The following PSMG2 variants were observed in gnomAD, a reference collection of about 807,000 sequenced individuals.
The protein encoded by PSMG2 is proteasome assembly chaperone 2, also known as CD40 ligand-activated specific transcript 3.
In PSMG2, 21 loss-of-function variants were observed where a neutral mutation model predicts 31.5. The observed-to-expected ratio is 0.67, with a 90% CI of 0.47 to 0.96. The LOEUF (loss-of-function observed/expected upper bound fraction) is 0.96, where lower values mean the gene tolerates loss of function less well. Ranked by LOEUF, PSMG2 falls within the 40% of genes least tolerant of loss-of-function variation. The pLI, the probability that PSMG2 is intolerant of heterozygous loss-of-function variation, is 0.00. For synonymous variants in PSMG2, 120 were observed against 110.4 expected, an observed-to-expected ratio of 1.09 and a Z score of -0.54; for missense variants, 318 against 321.2, an observed-to-expected ratio of 0.99 and a Z score of 0.08.
At chr18:12,681,255 C>CT (rs1568016341) in intron 1 of PSMG2, among the ~76,000 whole-genome samples, 6 of 114,802 alleles carry the variant, frequency 5.2e-5, no homozygotes, top group African/African-American at 1.3e-4. Context: ...AAAAGTAGAA[C>CT]ATTTTTTTTT....
chr18:12,692,551 G>C (rs1187787867), intron 1 of PSMG2, among the ~76,000 whole-genome samples: 1 of 151,580 alleles, frequency 6.6e-6, no homozygotes, highest in East Asian at 1.9e-4. Flanking sequence ...GTTACTTCCT[G>C]TTGTTCAGAC....
At chr18:12,674,246 G>A (rs146216461) in intron 1 of PSMG2, among the ~76,000 whole-genome samples, 599 of 152,032 alleles carry the variant, frequency 3.9e-3, no homozygotes, top group Middle Eastern at 0.01. Context: ...AGACCAGCCT[G>A]GGCAACATAG....
At chr18:12,661,407 T>C (rs984875152) in intron 1 of PSMG2, 4 of 961,270 alleles carry the variant, frequency 4.2e-6, no homozygotes, top group African/African-American at 1.8e-5. Flanking sequence ...GCCATTGATA[T>C]CTTCTCAGTG....
chr18:12,681,830 T>A (rs2039359178), intron 1 of PSMG2, among the ~76,000 whole-genome samples: 1 of 151,882 alleles, frequency 6.6e-6, no homozygotes, highest in African/African-American at 2.4e-5. Context: ...TAAAGACCTA[T>A]AAAAAAATAG....
intron 2 of PSMG2, among the ~76,000 whole-genome samples, chr18:12,711,315 T>C (rs935743651): frequency 6.6e-6 from 1 of 152,120 alleles, no homozygotes; most frequent in Non-Finnish European, 1.5e-5. Context: ...AGAGTATTGC[T>C]ATCACCGAAG....
At chr18:12,680,986 G>A (rs112086058) in intron 1 of PSMG2, among the ~76,000 whole-genome samples, 8 of 152,182 alleles carry the variant, frequency 5.3e-5, no homozygotes, top group South Asian at 2.1e-4. Context: ...ATCACATGAC[G>A]TCAGGAGTTC....
upstream of PSMG2, among the ~76,000 whole-genome samples, chr18:12,701,783 G>A (rs912461099): frequency 6.6e-6 from 1 of 152,184 alleles, no homozygotes; most frequent in Non-Finnish European, 1.5e-5. Context: ...GAGAATTGCT[G>A]ATTGAAGCTC....
rs9960169 is a variant in PSMG2, at chr18:12,673,188, T to C, written c.-37+14415T>C. The C allele has an allele frequency of 5.7e-3, 7,339 of 1,290,634 alleles. 374 individuals are homozygous for C. The African/African-American group carries it at 0.1, about 18-fold the overall frequency. 79.9% of individuals were successfully genotyped at this position (1,290,634 alleles called of 1,614,324 possible). On this transcript the variant is annotated intron_variant, in intron 1 of 6. Coordinates refer to the PSMG2 transcript ENST00000585331. The stretch of plus-strand genomic sequence containing the variant: ...ATTTATACAAGTTTTTCAGCCTTAA[T>C]TTTTAAAGGAATGCATGATTTTTTT...
Position 12,724,550 on chromosome 18 carries a change from G to A in PSMG2, c.633G>A (p.Gly211=), listed in dbSNP as rs1327742237. The change falls in exon 6 of 7, where the codon GGG becomes GGA. Residue 211 remains glycine (G), a synonymous_variant. Coordinates refer to ENST00000317615, the MANE Select transcript of PSMG2 (RefSeq NM_020232.5). ...MAVLLKFVSE[G]DNIPDALGLV... is the part of the protein sequence containing the mutation. ...TTCTGCTGAAATTTGTTTCAGAAGG[G>A]GACAACATCCCAGATGCATTAGGTC... The A allele has an allele frequency of 6.2e-7, 1 of 1,609,612 alleles. No homozygotes were observed. Among genetic ancestry groups the A allele is most frequent in the Non-Finnish European group, 8.5e-7 (1 of 1,178,186 alleles).
chr18:12,699,411 T>C (rs1175408633), upstream of PSMG2, among the ~76,000 whole-genome samples: 1 of 152,150 alleles, frequency 6.6e-6, no homozygotes, highest in Non-Finnish European at 1.5e-5. Context: ...CTTTTCTGAG[T>C]TTACATCCAG....
At chr18:12,700,332 G>C (rs2040108799), upstream of PSMG2, 1 of 153,020 alleles carries the variant, frequency 6.5e-6, no homozygotes, top group African/African-American at 2.4e-5. Flanking sequence ...ACCAAAAAAA[G>C]GTGCTGTATT....
At chr18:12,693,332 G>A (rs2039833595) in intron 1 of PSMG2, among the ~76,000 whole-genome samples, 1 of 152,158 alleles carries the variant, frequency 6.6e-6, no homozygotes, top group East Asian at 1.9e-4. Context: ...GCTGAGGCAG[G>A]TGGATTGCTT....
chr18:12,712,137 G>A (rs1342674182), intron 2 of PSMG2, among the ~76,000 whole-genome samples: 2 of 152,130 alleles, frequency 1.3e-5, no homozygotes, highest in Admixed American at 6.5e-5. Flanking sequence ...CCTGATGAAA[G>A]CTATGGATCC....
intron 3 of PSMG2, among the ~76,000 whole-genome samples, chr18:12,716,806 GATACTA>G (rs1264015918): frequency 1.3e-5 from 2 of 151,926 alleles, no homozygotes; most frequent in African/African-American, 4.8e-5. Flanking sequence ...CTATAAGACA[GATACTA>G]ATATTATCCT....
At chr18:12,674,384 G>A in intron 1 of PSMG2, 1 of 577,502 alleles carries the variant, frequency 1.7e-6, no homozygotes, top group East Asian at 3.0e-5. Flanking sequence ...CAAGGCTACA[G>A]TGAGCCATAA....
chr18:12,661,569 C>A (rs1041936468), intron 1 of PSMG2, among the ~76,000 whole-genome samples: 1 of 152,010 alleles, frequency 6.6e-6, no homozygotes, highest in African/African-American at 2.4e-5. Flanking sequence ...GCCATGAGTT[C>A]GAGACCAGTC....
chr18:12,695,371 G>C (rs766030879), intron 1 of PSMG2: 1 of 1,210,022 alleles, frequency 8.3e-7, no homozygotes, highest in Non-Finnish European at 1.2e-6. Flanking sequence ...TAAATATTTT[G>C]AACTTCAGAG....
upstream of PSMG2, chr18:12,702,966 G>C (rs1021932380): frequency 5.6e-6 from 5 of 889,754 alleles, no homozygotes; most frequent in African/African-American, 1.8e-5. Context: ...TTAGCTGGAC[G>C]GGCCTCAAGG....
At chr18:12,717,173 T>A (rs1338989917) in intron 3 of PSMG2, among the ~76,000 whole-genome samples, 1 of 151,594 alleles carries the variant, frequency 6.6e-6, no homozygotes, top group African/African-American at 2.4e-5. Flanking sequence ...GGGCTTTAAC[T>A]CCTGGGCTCA....
Sources: gnomAD v4.1 joint callset for allele counts (sites outside exome capture counted in the v4.1 genomes callset) on GRCh38, gnomAD v4.1.1 for gene constraint, MANE v1.5 for transcripts, NCBI Gene and HGNC (gene_info 2026-07-23, HGNC 2026-07-21) for gene names.